The following CTSB variants were observed in gnomAD, a reference collection of about 807,000 sequenced individuals.
CTSB encodes the protein APP secretase.
In CTSB, 57 loss-of-function variants were observed where a neutral mutation model predicts 44.3. That is an observed-to-expected ratio of 1.29 (90% CI 1.04 to 1.60). The LOEUF is 1.60. CTSB is among the 40% of genes most tolerant of loss of function. The probability of loss-of-function intolerance (pLI) is 0.00; values close to 1 mark genes in which losing one functional copy is unlikely to be tolerated. For synonymous variants in CTSB, 320 were observed against 168.0 expected (o/e 1.91, Z -7.00); for missense variants, 768 against 443.0 (o/e 1.73, Z -6.59).
In CTSB at chr8:11,845,576, G is replaced by A. The variant is rs190598045; in HGVS notation, c.922+85C>T. ...GTAGGTCCAGGGTTTAAGGCTGTGCGGTGGGTAGAACAGAGAAAGCCGAGA... is the reference window on the plus strand; with the variant it reads ...GTAGGTCCAGGGTTTAAGGCTGTGCAGTGGGTAGAACAGAGAAAGCCGAGA... On this transcript the variant is annotated intron_variant, in intron 9 of 9. Coordinates refer to ENST00000353047, the MANE Select transcript of CTSB (RefSeq NM_001908.5). 1.2e-3 allele frequency: 1,751 copies of A among 1,504,550 alleles called. 3 individuals carry two copies. The highest frequency in any genetic ancestry group is 1.6e-3 in the Middle Eastern group (9 of 5,704). 93.2% of individuals were successfully genotyped at this position (1,504,550 alleles called of 1,614,324 possible). A position where few individuals can be genotyped will look rare whatever the true frequency, so the allele number is the denominator to read the frequency against.
intron 1 of CTSB, among the ~76,000 whole-genome samples, chr8:11,858,956 T>C (rs1030320907): frequency 1.3e-5 from 2 of 152,144 alleles, no homozygotes; most frequent in Non-Finnish European, 2.9e-5. Context: ...ACAAAGTCCT[T>C]ATTTCACGAG....
rs562659760 is a variant in CTSB, at chr8:11,853,272, A to T, written c.126+57T>A. ...GGGCTGGCTTCCCATTCCTGGAGTC[A>T]GTGTGCACAGACCGACCTGGGAGGG... is the stretch of plus-strand genomic sequence containing the variant. On this transcript the variant is annotated intron_variant, in intron 2 of 9. Coordinates refer to ENST00000353047, the MANE Select transcript of CTSB (RefSeq NM_001908.5). 5 of 1,598,404 alleles carry T rather than the reference A, an allele frequency of 3.1e-6. No individual in the cohort carries two copies. The East Asian group carries it at 1.1e-4, about 36-fold the overall frequency.
intron 8 of CTSB, 150 bp downstream of exon 8, chr8:11,846,902 T>G: frequency 1.6e-6 from 1 of 626,840 alleles, no homozygotes; most frequent in South Asian, 1.9e-5. Flanking sequence ...CACAGAGGAG[T>G]GAGCCTATAT....
intron 1 of CTSB, among the ~76,000 whole-genome samples, chr8:11,862,783 G>C (rs993739535): frequency 8.5e-5 from 13 of 152,278 alleles, no homozygotes; most frequent in African/African-American, 3.1e-4. Context: ...AGAGGGTCAT[G>C]AGACAGCCCG....
At chr8:11,845,257 A>T in intron 9 of CTSB, 35 bp from the exon 10 acceptor site, 1 of 1,485,164 alleles carries the variant, frequency 6.7e-7, no homozygotes, top group Non-Finnish European at 9.4e-7. Flanking sequence ...TTAAAGTGTG[A>T]CAAGGGTCAA....
intron 4 of CTSB, among the ~76,000 whole-genome samples, chr8:11,850,291 T>C (rs2645419): frequency 0.58 from 87,331 of 151,382 alleles, 25,252 homozygotes; most frequent in Non-Finnish European, 0.63. Context: ...TGGTGGCACA[T>C]GCCTGTAGTC....
intron 4 of CTSB, among the ~76,000 whole-genome samples, chr8:11,850,384 A>C (rs562435694): frequency 7.4e-6 from 1 of 135,422 alleles, no homozygotes; most frequent in Admixed American, 8.9e-5. Flanking sequence ...CCACCACTGC[A>C]CTCCAGCCTG....
rs185418083 is a variant in CTSB, at chr8:11,864,751, T to C, written c.-26+3250A>G. ...CGGGCAGATCATTTGAGGTCTCTAC[T>C]AAAAATACAAAAATTAGCCAGGCAT... On this transcript the variant is annotated intron_variant, in intron 1 of 9. Transcript: ENST00000353047. 3.1e-4 allele frequency among the ~76,000 whole-genome samples: 47 copies of C among 151,864 alleles called. No homozygotes were observed. In the East Asian group the frequency reaches 8.9e-3, roughly 29 times the overall value.
In CTSB at chr8:11,844,891, T is replaced by A; in HGVS notation, c.*234A>T. On this transcript the variant is annotated 3_prime_UTR_variant, in exon 10 of 10. Transcript: ENST00000353047. ...GCAGGTACTCCCTACGGCACTAGTCTACAGGGGGAAGGACGCTCTGTGCTG... is the reference window on the plus strand; with the variant it reads ...GCAGGTACTCCCTACGGCACTAGTCAACAGGGGGAAGGACGCTCTGTGCTG... 3.7e-6 allele frequency: 2 copies of A among 544,800 alleles called. No individual in the cohort carries two copies. Among genetic ancestry groups the A allele is most frequent in the South Asian group, 4.7e-5 (2 of 42,382 alleles). 33.7% of individuals were successfully genotyped at this position (544,800 alleles called of 1,614,324 possible).
rs558420836 is a variant in CTSB at position 11,847,801 on chromosome 8, G to A, written c.554C>T (p.Pro185Leu). The A allele has an allele frequency of 2.5e-6, 4 of 1,598,698 alleles. No homozygotes were observed. In the South Asian group the frequency reaches 3.4e-5, roughly 13 times the overall value. ...GCCGTTGACGTGGTGCTCACAGGGA[G>A]GGATGGAGTACGGTCTGCACCCTGA... ...SHVGCRPYSIPPCEHHVNGSR... is the reference protein window; with the variant it reads ...SHVGCRPYSILPCEHHVNGSR... Residue 185 changes from proline (P) to leucine (L), a missense_variant, in exon 7 of 10, where the codon CCT becomes CTT. Transcript: ENST00000353047.
intron 1 of CTSB, among the ~76,000 whole-genome samples, chr8:11,864,114 T>A (rs907633018): frequency 6.6e-6 from 1 of 152,042 alleles, no homozygotes; most frequent in East Asian, 1.9e-4. Flanking sequence ...AAAGGATCCA[T>A]GTAGTGTAAC....
In CTSB at chr8:11,853,401, C is replaced by A; in HGVS notation, c.54G>T (p.Arg18=). 1 of 1,612,848 alleles carries A rather than the reference C, an allele frequency of 6.2e-7. No homozygotes were observed. The highest frequency in any genetic ancestry group is 1.1e-5 in the South Asian group (1 of 90,986). Residue 18 remains arginine (R), a synonymous_variant, in exon 2 of 10, where the codon CGG becomes CGT. Transcript: ENST00000353047. ...ACAGGGGATGGAAAGAGGGCCTGCT[C>A]CGGGCATTGGCCAACACCAGCAGGC... ...LCCLLVLANA[R]SRPSFHPLSD... is the part of the protein sequence containing the mutation.
chr8:11,848,831 C>T, intron 5 of CTSB: 1 of 482,314 alleles, frequency 2.1e-6, no homozygotes, highest in Non-Finnish European at 3.8e-6. Flanking sequence ...GCTGGGATGC[C>T]ACCCCTCAGA....
At chr8:11,856,833 C>T (rs533370590) in intron 1 of CTSB, among the ~76,000 whole-genome samples, 1 of 146,940 alleles carries the variant, frequency 6.8e-6, no homozygotes, top group South Asian at 2.2e-4. Flanking sequence ...GACTTTTTTT[C>T]ACAACATACC....
chr8:11,847,335 C>A (rs191608610), intron 7 of CTSB, among the ~76,000 whole-genome samples, 167 bp from the exon 8 acceptor site: 2 of 152,096 alleles, frequency 1.3e-5, no homozygotes, highest in Non-Finnish European at 2.9e-5. Context: ...GAACTAAGGA[C>A]AGGGCTGGGG....
At chr8:11,863,394 G>C (rs149903382) in intron 1 of CTSB, among the ~76,000 whole-genome samples, 49 of 152,004 alleles carry the variant, frequency 3.2e-4, no homozygotes, top group African/African-American at 1.1e-3. Flanking sequence ...GGGAGGCGGA[G>C]GTTACAGTGA....
chr8:11,853,429 C>G lies in CTSB; in HGVS notation c.26G>C (p.Cys9Ser). 1 of 1,612,232 alleles carries G rather than the reference C, an allele frequency of 6.2e-7. No individual in the cohort carries two copies. The highest frequency in any genetic ancestry group is 8.5e-7 in the Non-Finnish European group (1 of 1,179,646). Residue 9 changes from cysteine (C) to serine (S), a missense_variant, in exon 2 of 10, where the codon TGC (cysteine) becomes TCC (serine). Transcript: ENST00000353047. MWQLWASLCCLLVLANARS... is the reference protein window; with the variant it reads MWQLWASLSCLLVLANARS... ...GGCATTGGCCAACACCAGCAGGCAG[C>G]AGAGGGAGGCCCAGAGCTGCCACAT... is the stretch of plus-strand genomic sequence containing the variant.
In CTSB at chr8:11,848,140, G is replaced by A. The variant is rs1405643130; in HGVS notation, c.459C>T (p.Gly153=). ...GSMCGDGCNG[G]YPAEAWNFWT... ...AGAAGTTCCAAGCTTCAGCAGGATA[G>A]CCACCATTACAGCTGAAAAGACAGC... The change falls in exon 6 of 10, where the codon GGC becomes GGT. Residue 153 remains glycine, a synonymous_variant. Transcript: ENST00000353047. The A allele has an allele frequency of 1.2e-6, 2 of 1,614,050 alleles. No homozygotes were observed. Among genetic ancestry groups the A allele is most frequent in the East Asian group, 2.2e-5 (1 of 44,878 alleles).
intron 1 of CTSB, among the ~76,000 whole-genome samples, chr8:11,857,359 G>A (rs986775265): frequency 1.2e-4 from 18 of 151,980 alleles, no homozygotes; most frequent in African/African-American, 3.1e-4. Flanking sequence ...TCCGTGACTC[G>A]TGGGTAGGCA....
Sources: allele counts gnomAD v4.1 joint callset (sites outside exome capture counted in the v4.1 genomes callset), GRCh38; gene constraint gnomAD v4.1.1; transcripts MANE v1.5; gene names NCBI Gene and HGNC (gene_info 2026-07-23, HGNC 2026-07-21).